PMS1: variants seen among roughly 807,000 people sequenced by gnomAD.
PMS1 encodes PMS1 protein homolog 1.
A neutral mutation model predicts 93.1 loss-of-function variants in PMS1; 79 were observed. The observed-to-expected ratio is 0.85, with a 90% CI of 0.71 to 1.02. PMS1 has a LOEUF of 1.02. Among genes scored for constraint, PMS1 ranks in the 50% least tolerant of loss-of-function variants. PMS1 has a pLI of 0.00. For synonymous variants in PMS1, 335 were observed against 363.4 expected (o/e 0.92, Z 0.89); for missense variants, 1,064 against 1,085.3 (o/e 0.98, Z 0.28).
chr2:189,802,614 C>T (rs112079564), intron 3 of PMS1, among the ~76,000 whole-genome samples: 1 of 152,158 alleles, frequency 6.6e-6, no homozygotes, highest in African/African-American at 2.4e-5. Context: ...TATCACCTCA[C>T]ATTAAGCCTC....
At chr2:189,840,704 A>C (rs2053751433) in intron 5 of PMS1, among the ~76,000 whole-genome samples, 1 of 152,186 alleles carries the variant, frequency 6.6e-6, no homozygotes, top group Non-Finnish European at 1.5e-5. Context: ...CCTTAGGTAT[A>C]AGGATCTGCA....
In PMS1 at chr2:189,863,735, ATTC is replaced by A; in HGVS notation, c.1857-5_1857-3del. On this transcript the variant is annotated splice_polypyrimidine_tract_variant and splice_region_variant and intron_variant, in intron 9 of 12. Coordinates refer to ENST00000441310, the MANE Select transcript of PMS1 (RefSeq NM_000534.5). ...ATCTCATTAGTTCTATTTTATTTCTATTCTTAGATATGAAGAGAAGGCTACTAA... is the reference window on the plus strand; with the variant it reads ...ATCTCATTAGTTCTATTTTATTTCTATTAGATATGAAGAGAAGGCTACTAA... The A allele has an allele frequency of 6.4e-7, 1 of 1,561,222 alleles. No homozygotes were observed.
rs150660131 is a variant in PMS1, at chr2:189,876,770, C to CTTT, written c.2635-482_2635-480dup. ...CTACAGGCATGCCCCACCGTGCCCA[C>CTTT]TTTTTTTTTTTTTTTTTTTTTTGTG... On this transcript the variant is annotated intron_variant, in intron 12 of 12. Transcript: ENST00000441310. Among the ~76,000 whole-genome samples, 221 of 117,794 alleles carry CTTT rather than the reference C, an allele frequency of 1.9e-3. 2 individuals carry two copies. The highest frequency in any genetic ancestry group is 2.5e-3 in the Non-Finnish European group (146 of 58,766). 77.3% of individuals were successfully genotyped at this position (117,794 alleles called of 152,430 possible).
chr2:189,842,325 C>T (rs1484333307), intron 5 of PMS1, among the ~76,000 whole-genome samples: 1 of 152,000 alleles, frequency 6.6e-6, no homozygotes, highest in Non-Finnish European at 1.5e-5. Context: ...TTGTGCCTGC[C>T]CCTTTAATGC....
intron 3 of PMS1, among the ~76,000 whole-genome samples, chr2:189,799,198 A>G (rs1287178222): frequency 1.3e-5 from 2 of 152,272 alleles, no homozygotes; most frequent in Non-Finnish European, 2.9e-5. Flanking sequence ...AAGTATCACA[A>G]TAGTGGAAAA....
At chr2:189,857,573 CT>C in intron 9 of PMS1, 5 of 402,866 alleles carry the variant, frequency 1.2e-5, no homozygotes, top group South Asian at 3.8e-5. Context: ...CTTCCTTCTT[CT>C]TTTTTTCTTC....
chr2:189,850,884 G>A (rs914715004), intron 6 of PMS1, among the ~76,000 whole-genome samples: 5 of 152,108 alleles, frequency 3.3e-5, no homozygotes, highest in Non-Finnish European at 7.4e-5. Flanking sequence ...CTGCTTATAC[G>A]GGATTAGAGA....
rs1479795210 is a variant in PMS1 at position 189,869,665 on chromosome 2, A to G, written c.2473+1736A>G. Among the ~76,000 whole-genome samples the G allele has an allele frequency of 2.0e-5, 3 of 152,154 alleles. No individual in the cohort carries two copies. The East Asian group carries it at 5.8e-4, about 29-fold the overall frequency. On this transcript the variant is annotated intron_variant, in intron 11 of 12. Coordinates refer to ENST00000441310, the MANE Select transcript of PMS1 (RefSeq NM_000534.5). ...AATACTGTCTCTACTACAAAATACA[A>G]AAATTAGCCGGGCATGTGGCAGGTG...
At chr2:189,845,142 G>A (rs2054148069) in intron 6 of PMS1, among the ~76,000 whole-genome samples, 1 of 152,188 alleles carries the variant, frequency 6.6e-6, no homozygotes, top group South Asian at 2.1e-4. Flanking sequence ...ATAGGCGTGA[G>A]CCACCACGCC....
chr2:189,871,372 T>C (rs1036453995), intron 11 of PMS1, among the ~76,000 whole-genome samples: 11 of 152,188 alleles, frequency 7.2e-5, no homozygotes, highest in Middle Eastern at 3.2e-3. Context: ...CAAATTTGTG[T>C]TGGGCTGCAT....
intron 5 of PMS1, among the ~76,000 whole-genome samples, chr2:189,835,279 C>A (rs1575193391): frequency 6.6e-6 from 1 of 152,074 alleles, no homozygotes; most frequent in African/African-American, 2.4e-5. Flanking sequence ...TTTACCAAGA[C>A]AATCATTTTT....
chr2:189,873,695 G>T (rs772000032), intron 12 of PMS1, 39 bp downstream of exon 12: 18 of 1,489,926 alleles, frequency 1.2e-5, no homozygotes, highest in Non-Finnish European at 1.5e-5. Context: ...GTATACAGGG[G>T]TCCCAACTCC....
chr2:189,833,091 A>G (rs944836337), intron 5 of PMS1, among the ~76,000 whole-genome samples: 7 of 152,172 alleles, frequency 4.6e-5, no homozygotes, highest in African/African-American at 7.2e-5. Flanking sequence ...TTCATCCCCA[A>G]TGTCTAAAAA....
Position 189,795,773 on chromosome 2 carries a change from ACT to A in PMS1, c.138_139del (p.Asn46LysfsTer4). ...GTGTTTTTTGACATTTTATAGGAGA[ACT>A]ATGGATTTGATAAAATTGAGGTGCG... On this transcript the variant is annotated frameshift_variant, in exon 3 of 13. Transcript: ENST00000441310. LOFTEE classifies it high-confidence loss of function. 1.2e-6 allele frequency: 2 copies of A among 1,612,312 alleles called. No homozygotes were observed. Among genetic ancestry groups the A allele is most frequent in the Non-Finnish European group, 1.7e-6 (2 of 1,178,324 alleles).
In PMS1 at chr2:189,877,498, T is replaced by C; in HGVS notation, c.*62T>C. On this transcript the variant is annotated 3_prime_UTR_variant, in exon 13 of 13. Transcript: ENST00000441310. ...TGGTTCTGTCATAAAACAGCATGAG[T>C]CTGGTTTTAAATTATCTTTGTATTA... is the stretch of plus-strand genomic sequence containing the variant. The C allele has an allele frequency of 8.9e-7, 1 of 1,127,370 alleles. No individual in the cohort carries two copies. Among genetic ancestry groups the C allele is most frequent in the African/African-American group, 1.5e-5 (1 of 64,772 alleles). The allele number at this position is 1,127,370 out of a possible 1,614,324, so 69.8% of individuals were successfully genotyped here. A position where few individuals can be genotyped will look rare whatever the true frequency, so the allele number is the denominator to read the frequency against.
At chr2:189,874,925 C>T (rs910374968) in intron 12 of PMS1, among the ~76,000 whole-genome samples, 1 of 151,838 alleles carries the variant, frequency 6.6e-6, no homozygotes, top group Non-Finnish European at 1.5e-5. Flanking sequence ...TCAGAAATAA[C>T]AGGAATAAAG....
intron 1 of PMS1, chr2:189,785,202 T>G (rs2048181190): frequency 6.6e-6 from 1 of 152,256 alleles, no homozygotes; most frequent in Non-Finnish European, 1.5e-5. Flanking sequence ...AAGAGAATGT[T>G]GGCTGTGTAT....
At chr2:189,876,237 G>A (rs934075717) in intron 12 of PMS1, among the ~76,000 whole-genome samples, 6 of 152,110 alleles carry the variant, frequency 3.9e-5, no homozygotes, top group African/African-American at 7.2e-5. Context: ...GTGGGAAGGA[G>A]TTGGTAATTT....
intron 9 of PMS1, among the ~76,000 whole-genome samples, chr2:189,862,366 C>G (rs1276374050): frequency 1.3e-5 from 2 of 152,044 alleles, no homozygotes; most frequent in African/African-American, 4.8e-5. Flanking sequence ...GAGATTCCCC[C>G]TTCTATTTTC....
Sources: allele counts gnomAD v4.1 joint callset (sites outside exome capture counted in the v4.1 genomes callset), GRCh38; gene constraint gnomAD v4.1.1; transcripts MANE v1.5; gene names NCBI Gene and HGNC (gene_info 2026-07-23, HGNC 2026-07-21).